The following APOL4 variants were observed in gnomAD, a reference collection of about 807,000 sequenced individuals.
The protein encoded by APOL4 is apolipoprotein L4.
APOL4 carries 14 observed loss-of-function variants against 12.1 expected under a neutral mutation model. That is an observed-to-expected ratio of 1.16 (90% CI 0.76 to 1.81). APOL4 has a LOEUF of 1.81. Ranked by LOEUF, APOL4 falls within the 40% of genes most tolerant of loss-of-function variation. The pLI is 0.00. For missense variants in APOL4, 432 were observed against 423.1 expected, an observed-to-expected ratio of 1.02 and a Z score of -0.18; for synonymous variants, 171 against 160.6, an observed-to-expected ratio of 1.06 and a Z score of -0.49.
At chr22:36,203,369 A>T (rs114584628), upstream of APOL4, among the ~76,000 whole-genome samples, 5,471 of 152,298 alleles carry the variant, frequency 0.036, 311 homozygotes, top group African/African-American at 0.12. Flanking sequence ...TTTGATTACG[A>T]GGTGGGATGG....
chr22:36,199,840 G>A (rs961958188), intron 1 of APOL4, among the ~76,000 whole-genome samples: 2 of 151,366 alleles, frequency 1.3e-5, no homozygotes, highest in African/African-American at 2.4e-5. Context: ...ACGGAGTCTC[G>A]CTCTGTCGTC....
rs2014202324 is a variant in APOL4, at chr22:36,190,084, A to G, written c.*991T>C. The stretch of plus-strand genomic sequence containing the variant: ...GAGAAATAAAGGCACAGAGTACAAA[A>G]GAGAGAAATTTTAAAGCTAGGTGTC... On this transcript the variant is annotated 3_prime_UTR_variant, in exon 4 of 4. Transcript: ENST00000683024. 6.5e-6 allele frequency: 1 copy of G among 153,082 alleles called. No individual in the cohort carries two copies. Among genetic ancestry groups the G allele is most frequent in the African/African-American group, 2.4e-5 (1 of 41,480 alleles). 9.5% of individuals were successfully genotyped at this position (153,082 alleles called of 1,614,324 possible).
At chr22:36,201,987 G>T, upstream of APOL4, 1 of 1,614,144 alleles carries the variant, frequency 6.2e-7, no homozygotes, top group Non-Finnish European at 8.5e-7. Flanking sequence ...TCTGAGCCAA[G>T]CTCACCAGAT....
chr22:36,199,093 C>T (rs2014493908), intron 2 of APOL4, among the ~76,000 whole-genome samples: 1 of 152,212 alleles, frequency 6.6e-6, no homozygotes, highest in African/African-American at 2.4e-5. Context: ...GAAGTGGGCA[C>T]CTGGGCCATG....
chr22:36,197,864 A>C, intron 2 of APOL4: 1 of 1,533,718 alleles, frequency 6.5e-7, no homozygotes, highest in Non-Finnish European at 8.8e-7. Flanking sequence ...TCTGGCTAAG[A>C]CCAGTAAGAT....
intron 3 of APOL4, among the ~76,000 whole-genome samples, chr22:36,192,772 G>A (rs969990100): frequency 6.6e-6 from 1 of 152,158 alleles, no homozygotes; most frequent in Non-Finnish European, 1.5e-5. Flanking sequence ...GGGCGTTTAG[G>A]GCTATTAGGT....
upstream of APOL4, chr22:36,204,745 T>C (rs1326857024): frequency 1.2e-5 from 4 of 321,180 alleles, no homozygotes; most frequent in South Asian, 1.6e-4. Flanking sequence ...CCCCAAGATA[T>C]ACCCAGGAAT....
rs561766889 is a variant in APOL4, at chr22:36,197,673, G to C, written c.82+1657C>G. The C allele has an allele frequency of 1.2e-5, 19 of 1,550,338 alleles. No individual in the cohort carries two copies. In the South Asian group the frequency reaches 2.1e-4, roughly 17 times the overall value. On this transcript the variant is annotated intron_variant, in intron 2 of 3. Coordinates refer to ENST00000683024, the MANE Select transcript of APOL4 (RefSeq NM_001386885.1). ...CACAAACACAGCTTAACCTCGGCCAGTCATGAGCAGCCAGCTGACAGAGGG... is the reference window on the plus strand; with the variant it reads ...CACAAACACAGCTTAACCTCGGCCACTCATGAGCAGCCAGCTGACAGAGGG...
intron 2 of APOL4, among the ~76,000 whole-genome samples, chr22:36,196,705 C>T (rs1009012840): frequency 1.3e-5 from 2 of 152,138 alleles, no homozygotes; most frequent in East Asian, 1.9e-4. Flanking sequence ...CTCATACGTG[C>T]GAGGCCTCAT....
chr22:36,202,370 A>C (rs936926905), upstream of APOL4, among the ~76,000 whole-genome samples: 1 of 152,142 alleles, frequency 6.6e-6, no homozygotes, highest in Admixed American at 6.5e-5. Context: ...TCTGCCTCCC[A>C]CAGCACTGGG....
chr22:36,200,288 C>T (rs2014533472), intron 1 of APOL4, among the ~76,000 whole-genome samples: 2 of 152,216 alleles, frequency 1.3e-5, no homozygotes, highest in Non-Finnish European at 2.9e-5. Flanking sequence ...CTGTGCTCTA[C>T]TCCCTTAAAT....
intron 3 of APOL4, among the ~76,000 whole-genome samples, chr22:36,192,672 T>C (rs1402960264): frequency 6.6e-6 from 1 of 152,226 alleles, no homozygotes; most frequent in Non-Finnish European, 1.5e-5. Flanking sequence ...GAAAGGGATC[T>C]CTGGGGCCCT....
At chr22:36,199,722 CG>C (rs1276748059) in intron 1 of APOL4, 124 of 1,386,768 alleles carry the variant, frequency 8.9e-5, no homozygotes, top group Non-Finnish European at 1.2e-4. Context: ...TAACAATGAC[CG>C]GAAACATGTG....
intron 2 of APOL4, among the ~76,000 whole-genome samples, chr22:36,195,661 ATTAAT>A (rs1178845275): frequency 6.6e-6 from 1 of 152,002 alleles, no homozygotes; most frequent in Non-Finnish European, 1.5e-5. Context: ...TAAGGAAGTC[ATTAAT>A]TTAAAGGGAG....
At chr22:36,195,594 C>T (rs574046747) in intron 2 of APOL4, among the ~76,000 whole-genome samples, 157 bp from the exon 3 acceptor site, 2 of 152,134 alleles carry the variant, frequency 1.3e-5, no homozygotes, top group South Asian at 2.1e-4. Context: ...TGTGTGCCCC[C>T]CAAATTCAAA....
chr22:36,195,568 G>T, intron 2 of APOL4, 131 bp from the exon 3 acceptor site: 1 of 1,013,580 alleles, frequency 9.9e-7, no homozygotes, highest in Non-Finnish European at 1.4e-6. Context: ...GGAGGCACCA[G>T]TGCTATAGAC....
At position 36,189,294 on chromosome 22, in the gene APOL4, C is replaced by G. The variant is rs1222413593; in HGVS notation, c.*1781G>C. The G allele has an allele frequency of 2.0e-5, 3 of 152,210 alleles. No homozygotes were observed. In the East Asian group the frequency reaches 5.8e-4, roughly 29 times the overall value. The allele number at this position is 152,210 out of a possible 1,614,324, so 9.4% of individuals were successfully genotyped here. ...TTTACTTGGTTGGTTCTCAGATACT[C>G]TCCAGGATGTTTGGATTCTCAGAGA... is the stretch of plus-strand genomic sequence containing the variant. On this transcript the variant is annotated 3_prime_UTR_variant, in exon 4 of 4. Coordinates refer to ENST00000683024, the MANE Select transcript of APOL4 (RefSeq NM_001386885.1).
chr22:36,190,537 C>T lies in APOL4; in HGVS notation c.*538G>A, dbSNP rs904909248. On this transcript the variant is annotated 3_prime_UTR_variant, in exon 4 of 4. Transcript: ENST00000683024. ...CAAGGAGGCCATTTATAGACCCACC[C>T]TCAGGGGTGCATTCTCTTTCTCAGG... 1.9e-5 allele frequency: 3 copies of T among 157,126 alleles called. No homozygotes were observed. Among genetic ancestry groups the T allele is most frequent in the Non-Finnish European group, 4.2e-5 (3 of 70,946 alleles). The allele number at this position is 157,126 out of a possible 1,614,324, so 9.7% of individuals were successfully genotyped here.
upstream of APOL4, chr22:36,204,625 T>A: frequency 1.5e-6 from 1 of 669,008 alleles, no homozygotes. Context: ...ATCCCCAACT[T>A]ACCAAGGGAT....
Sources: gnomAD v4.1 joint callset for allele counts (sites outside exome capture counted in the v4.1 genomes callset) on GRCh38, gnomAD v4.1.1 for gene constraint, MANE v1.5 for transcripts, NCBI Gene and HGNC (gene_info 2026-07-23, HGNC 2026-07-21) for gene names.